Variants in ZNF385C observed in about 807,000 individuals in gnomAD.
ZNF385C encodes zinc finger protein 385C, also known as CTD-2132N18.2.
In ZNF385C, 28 loss-of-function variants were observed where a neutral mutation model predicts 35.4. That is an observed-to-expected ratio of 0.79 (90% CI 0.59 to 1.08). ZNF385C has a LOEUF of 1.08. Among genes scored for constraint, ZNF385C ranks in the 50% least tolerant of loss-of-function variants. The probability of loss-of-function intolerance (pLI) is 0.00; values close to 1 mark genes in which losing one functional copy is unlikely to be tolerated. For synonymous variants in ZNF385C, 248 were observed against 248.2 expected, an observed-to-expected ratio of 1.00 and a Z score of 0.01; for missense variants, 605 against 595.6, an observed-to-expected ratio of 1.02 and a Z score of -0.16.
At chr17:42,027,554 G>GGGCCCCCCCCCCCCCCCCCC in intron 8 of ZNF385C, 64 bp downstream of exon 8, 1 of 556,880 alleles carries the variant, frequency 1.8e-6, no homozygotes, top group Non-Finnish European at 3.3e-6. Flanking sequence ...CCCCCATCTG[G>GGGCCCCCCCCCCCCCCCCCC]CCCTCCCAGC....
intron 2 of ZNF385C, among the ~76,000 whole-genome samples, chr17:42,042,521 GA>G (rs1312998654): frequency 1.0e-3 from 143 of 137,446 alleles, no homozygotes; most frequent in African/African-American, 1.5e-3. Context: ...GATTCCTCAA[GA>G]AAAAAAAAAA....
At chr17:42,057,539 T>TGTGA (rs1209123915) in intron 2 of ZNF385C, among the ~76,000 whole-genome samples, 1 of 151,446 alleles carries the variant, frequency 6.6e-6, no homozygotes, top group Admixed American at 6.6e-5. Flanking sequence ...TGTGTGTGTG[T>TGTGA]GATGGTCCAT....
rs2053251472 is a variant in ZNF385C at position 42,050,169 on chromosome 17, AG to A, written c.251-12285del. Among the ~76,000 whole-genome samples the A allele has an allele frequency of 6.9e-6, 1 of 144,218 alleles. No homozygotes were observed. The highest frequency in any genetic ancestry group is 7.4e-5 in the Admixed American group (1 of 13,528). 94.6% of individuals were successfully genotyped at this position (144,218 alleles called of 152,430 possible). On this transcript the variant is annotated intron_variant, in intron 2 of 8. Transcript: ENST00000692273. The surrounding 1 kb of genome is among the most constrained non-coding windows in gnomAD (Gnocchi z 5.6). ...ACACCCTGACCAGCCGGATGGGAGC[AG>A]GAACAACTTGACAAGGACCCCAAGG...
At chr17:42,075,943 C>G (rs1182059112) in intron 1 of ZNF385C, among the ~76,000 whole-genome samples, 2 of 152,158 alleles carry the variant, frequency 1.3e-5, no homozygotes, top group Non-Finnish European at 2.9e-5. Context: ...TAGAGCTGAG[C>G]GTCCTTGAAA....
chr17:42,041,329 T>A, intron 2 of ZNF385C: 1 of 697,746 alleles, frequency 1.4e-6, no homozygotes, highest in Non-Finnish European at 2.0e-6. Context: ...GCTTTGCCAC[T>A]TACTGGCTGT....
intron 2 of ZNF385C, chr17:42,039,546 G>T: frequency 1.7e-6 from 1 of 595,862 alleles, no homozygotes; most frequent in Non-Finnish European, 2.5e-6. Context: ...ACAGGGTGGG[G>T]GGGGTTGGTG....
intron 1 of ZNF385C, among the ~76,000 whole-genome samples, chr17:42,089,786 C>T (rs145625422): frequency 7.9e-5 from 12 of 152,116 alleles, no homozygotes; most frequent in Admixed American, 2.6e-4. Flanking sequence ...TGTACGGAAT[C>T]GATGCCGATG....
intron 2 of ZNF385C, among the ~76,000 whole-genome samples, chr17:42,059,386 C>A (rs2053427320): frequency 6.6e-6 from 1 of 152,230 alleles, no homozygotes; most frequent in Non-Finnish European, 1.5e-5. Context: ...AGATGACACA[C>A]AACGGATGGC....
chr17:42,067,289 C>T (rs2053562005), intron 1 of ZNF385C, among the ~76,000 whole-genome samples: 1 of 152,140 alleles, frequency 6.6e-6, no homozygotes, highest in Non-Finnish European at 1.5e-5. Flanking sequence ...AGACAATAAA[C>T]TTCTACTGTT....
rs782812830 is a variant in ZNF385C at position 42,062,935 on chromosome 17, G to A, written c.122C>T (p.Ser41Leu). The A allele has an allele frequency of 1.4e-5, 10 of 697,382 alleles. No individual in the cohort carries two copies. Among genetic ancestry groups the A allele is most frequent in the African/African-American group, 7.0e-5 (4 of 56,908 alleles). 43.2% of individuals were successfully genotyped at this position (697,382 alleles called of 1,614,324 possible). A position where few individuals can be genotyped will look rare whatever the true frequency, so the allele number is the denominator to read the frequency against. ...GTTGCAGACATCACAGAGCGTGTAC[G>A]ATGGCCGCTTTCTTTCTCGCTTGGG... Reference protein sequence around the residue: ...PKPKRERKRPSYTLCDVCNIQ... With the variant: ...PKPKRERKRPLYTLCDVCNIQ... The change falls in exon 2 of 9, where the codon TCG becomes TTG. Residue 41 changes from serine (S) to leucine (L), a missense_variant. Coordinates refer to ENST00000692273, the MANE Select transcript of ZNF385C (RefSeq NM_001392013.1).
chr17:42,027,230 G>C lies in ZNF385C; in HGVS notation c.1276-97C>G, dbSNP rs1045176755. On this transcript the variant is annotated intron_variant, in intron 8 of 8. Transcript: ENST00000692273. ...TCAAGCTTTTTGCTGCAGGGAAAGC[G>C]TGCCTTTTAGAGTTCCAAACCTAAA... 21 of 1,145,836 alleles carry C rather than the reference G, an allele frequency of 1.8e-5. No homozygotes were observed. In the African/African-American group the frequency reaches 3.3e-4, roughly 18 times the overall value. 71.0% of individuals were successfully genotyped at this position (1,145,836 alleles called of 1,614,324 possible).
intron 2 of ZNF385C, among the ~76,000 whole-genome samples, chr17:42,059,571 C>G (rs1286291878): frequency 6.6e-6 from 1 of 152,158 alleles, no homozygotes; most frequent in African/African-American, 2.4e-5. Flanking sequence ...ATCTGGGCAG[C>G]CTGTCTCTAG....
chr17:42,034,724 C>T (rs1290594997), intron 3 of ZNF385C, among the ~76,000 whole-genome samples: 7 of 144,638 alleles, frequency 4.8e-5, no homozygotes, highest in African/African-American at 1.3e-4. Flanking sequence ...ATGGAGGTTG[C>T]GGTGAACCGA....
intron 2 of ZNF385C, chr17:42,040,052 A>T (rs1458639239): frequency 3.2e-6 from 4 of 1,231,162 alleles, no homozygotes; most frequent in Non-Finnish European, 2.0e-6. Flanking sequence ...AACAGCGCGA[A>T]GTCGCCCAGC....
In ZNF385C at chr17:42,043,020, G is replaced by GGCAGA; in HGVS notation, c.251-5136_251-5135insTCTGC. The GGCAGA allele has an allele frequency of 4.1e-6, 5 of 1,232,304 alleles. No homozygotes were observed. In the South Asian group the frequency reaches 2.1e-4, roughly 51 times the overall value. 76.3% of individuals were successfully genotyped at this position (1,232,304 alleles called of 1,614,324 possible). On this transcript the variant is annotated intron_variant, in intron 2 of 8. Coordinates refer to ENST00000692273, the MANE Select transcript of ZNF385C (RefSeq NM_001392013.1). ...TGGCCGGGTCTAACTCCACCTTGAC[G>GGCAGA]CCCCTGGAGGCAGGGGTCGTAGCCA... is the stretch of plus-strand genomic sequence containing the variant.
chr17:42,076,245 C>T (rs1462101280), intron 1 of ZNF385C, among the ~76,000 whole-genome samples: 1 of 152,186 alleles, frequency 6.6e-6, no homozygotes, highest in African/African-American at 2.4e-5. Flanking sequence ...TGTGCCAGAT[C>T]CTTCCCATGC....
In ZNF385C at chr17:42,088,963, C is replaced by A. The variant is rs573362142; in HGVS notation, c.-3+9447G>T. Among the ~76,000 whole-genome samples the A allele has an allele frequency of 2.5e-3, 381 of 152,148 alleles. 1 individual carries two copies. Among genetic ancestry groups the A allele is most frequent in the African/African-American group, 8.7e-3 (361 of 41,520 alleles). ...GCCTTGGCCTCTCAACACACTGGGA[C>A]TACAGGCACACGCATCACCATGCCT... On this transcript the variant is annotated intron_variant, in intron 1 of 8. Transcript: ENST00000692273.
chr17:42,076,890 G>A (rs965354968), intron 1 of ZNF385C, among the ~76,000 whole-genome samples: 5 of 152,158 alleles, frequency 3.3e-5, no homozygotes, highest in African/African-American at 9.7e-5. Flanking sequence ...GTGTGAGGTG[G>A]TGCTAGCCCT....
At chr17:42,033,790 C>T (rs1243942615) in intron 4 of ZNF385C, among the ~76,000 whole-genome samples, 1 of 152,012 alleles carries the variant, frequency 6.6e-6, no homozygotes, top group Non-Finnish European at 1.5e-5. Context: ...CGCCTCCACC[C>T]GTCTCACAGA....
Sources: gnomAD v4.1 joint callset for allele counts (sites outside exome capture counted in the v4.1 genomes callset) on GRCh38, gnomAD v4.1.1 for gene constraint, Gnocchi (gnomAD v3.1) non-coding constraint, MANE v1.5 for transcripts, NCBI Gene and HGNC (gene_info 2026-07-23, HGNC 2026-07-21) for gene names.